Variants in FRMD3 observed in about 807,000 individuals in gnomAD.
FRMD3 encodes FERM domain-containing protein 3.
Under a neutral mutation model 70.2 loss-of-function variants are expected in FRMD3, and 33 were observed. That is an observed-to-expected ratio of 0.47 (90% confidence interval 0.36 to 0.63). The LOEUF (loss-of-function observed/expected upper bound fraction) is 0.63. FRMD3 is among the 20% of genes least tolerant of loss of function. FRMD3 has a pLI of 0.00. For missense variants in FRMD3, 632 were observed against 711.4 expected (o/e 0.89, Z 1.27); for synonymous variants, 279 against 255.9 (o/e 1.09, Z -0.86).
chr9:83,417,610 T>C (rs1826495257), intron 1 of FRMD3, among the ~76,000 whole-genome samples: 1 of 152,220 alleles, frequency 6.6e-6, no homozygotes, highest in Non-Finnish European at 1.5e-5. Flanking sequence ...AGGAGGTGTC[T>C]AGCAGACATT....
intron 1 of FRMD3, among the ~76,000 whole-genome samples, chr9:83,485,482 G>A (rs1173137297): frequency 6.6e-6 from 1 of 152,298 alleles, no homozygotes; most frequent in East Asian, 1.9e-4. Flanking sequence ...TGATTTGCAA[G>A]TATTTAAGTT....
the FRMD3 span, among the ~76,000 whole-genome samples, chr9:83,579,800 TA>T: frequency 6.6e-6 from 1 of 151,966 alleles, no homozygotes; most frequent in African/African-American, 2.4e-5. Context: ...TGTATCAAAC[TA>T]AAAAGCTTTG....
At chr9:83,579,269 T>C in the FRMD3 span, among the ~76,000 whole-genome samples, 14 of 151,206 alleles carry the variant, frequency 9.3e-5, no homozygotes, top group Non-Finnish European at 1.3e-4. Flanking sequence ...GTAATCTCTA[T>C]GAAAATTCCA....
intron 1 of FRMD3, among the ~76,000 whole-genome samples, chr9:83,421,125 A>G (rs1385986818): frequency 6.6e-6 from 1 of 150,922 alleles, no homozygotes; most frequent in African/African-American, 2.4e-5. Flanking sequence ...TATTTTTAGT[A>G]GAGGCGGGGT....
At chr9:83,480,123 T>C (rs1828532853) in intron 1 of FRMD3, among the ~76,000 whole-genome samples, 1 of 152,192 alleles carries the variant, frequency 6.6e-6, no homozygotes, top group African/African-American at 2.4e-5. Flanking sequence ...TGAAATACAA[T>C]AGGAGACATG....
At chr9:83,514,926 A>G (rs1043658956) in intron 1 of FRMD3, among the ~76,000 whole-genome samples, 6 of 152,220 alleles carry the variant, frequency 3.9e-5, no homozygotes, top group Non-Finnish European at 8.8e-5. Flanking sequence ...CAACATCAAC[A>G]AAAAGGCTGA....
chr9:83,539,357 G>A (rs1829970171), upstream of FRMD3, among the ~76,000 whole-genome samples: 1 of 152,342 alleles, frequency 6.6e-6, no homozygotes, highest in East Asian at 1.9e-4. Context: ...AGAGTGGCCA[G>A]GAGCAGCTGT....
intron 2 of FRMD3, among the ~76,000 whole-genome samples, chr9:83,385,939 G>T (rs1445846089): frequency 6.6e-6 from 1 of 152,064 alleles, no homozygotes; most frequent in Non-Finnish European, 1.5e-5. Flanking sequence ...TACTAATCAT[G>T]AGTGTGTTTC....
chr9:83,439,596 A>G (rs1186610490), intron 1 of FRMD3, among the ~76,000 whole-genome samples: 1 of 152,252 alleles, frequency 6.6e-6, no homozygotes, highest in Non-Finnish European at 1.5e-5. Flanking sequence ...AGGAAAGACG[A>G]AACCCCATTT....
intron 1 of FRMD3, among the ~76,000 whole-genome samples, chr9:83,529,837 T>C (rs1829759002): frequency 6.6e-6 from 1 of 152,146 alleles, no homozygotes; most frequent in African/African-American, 2.4e-5. Context: ...AGGATCTAAA[T>C]GGGCAGCTGT....
At position 83,435,441 on chromosome 9, in the gene FRMD3, T is replaced by A. The variant is rs531609271; in HGVS notation, c.148-45733A>T. On this transcript the variant is annotated intron_variant, in intron 1 of 13. Transcript: ENST00000304195. Reference sequence around the variant, plus strand: ...AGCAAGGAGTGCTCAAGGTTCCAGATCAAGAGCTCCCTGACCACTGGCCTC... The same window carrying A: ...AGCAAGGAGTGCTCAAGGTTCCAGAACAAGAGCTCCCTGACCACTGGCCTC... Among the ~76,000 whole-genome samples the A allele has an allele frequency of 1.7e-3, 265 of 152,070 alleles. 2 individuals are homozygous for A. The highest frequency in any genetic ancestry group is 6.2e-3 in the African/African-American group (256 of 41,474).
chr9:83,583,972 T>C, the FRMD3 span, among the ~76,000 whole-genome samples: 1 of 152,204 alleles, frequency 6.6e-6, no homozygotes, highest in Non-Finnish European at 1.5e-5. Context: ...CCTTGCCTCT[T>C]CAGCCTCCTT....
chr9:83,533,777 C>T (rs11140142), intron 1 of FRMD3, among the ~76,000 whole-genome samples: 13,057 of 152,172 alleles, frequency 0.086, 740 homozygotes, highest in East Asian at 0.24. Flanking sequence ...CAATCTACAT[C>T]GATATTTATT....
chr9:83,413,368 C>T (rs1826333438), intron 1 of FRMD3, among the ~76,000 whole-genome samples: 1 of 152,150 alleles, frequency 6.6e-6, no homozygotes, highest in Admixed American at 6.5e-5. Context: ...GGCATGTTGG[C>T]TCTTCTCACT....
intron 13 of FRMD3, among the ~76,000 whole-genome samples, chr9:83,277,010 A>AT (rs35347388): frequency 0.12 from 18,369 of 152,264 alleles, 1,435 homozygotes; most frequent in East Asian, 0.17. Context: ...ATTATCAAAT[A>AT]TTTTTTAAAA....
chr9:83,568,964 A>ATACATACG, the FRMD3 span, among the ~76,000 whole-genome samples: 13 of 96,158 alleles, frequency 1.4e-4, no homozygotes, highest in Non-Finnish European at 2.6e-4. Flanking sequence ...AGATACATAC[A>ATACATACG]TACATACATA....
At chr9:83,479,344 AAGG>A (rs58938099) in intron 1 of FRMD3, among the ~76,000 whole-genome samples, 39,013 of 107,890 alleles carry the variant, frequency 0.36, 5,981 homozygotes, top group African/African-American at 0.5. Flanking sequence ...GAAGAGGAAG[AAGG>A]AGGAGGAGGA....
intron 1 of FRMD3, among the ~76,000 whole-genome samples, chr9:83,500,075 G>A (rs1439683363): frequency 6.6e-6 from 1 of 152,006 alleles, no homozygotes; most frequent in Non-Finnish European, 1.5e-5. Context: ...GGTTTCCAGG[G>A]GTCAGTGGAG....
intron 1 of FRMD3, among the ~76,000 whole-genome samples, chr9:83,441,509 C>T (rs1827294055): frequency 6.6e-6 from 1 of 152,094 alleles, no homozygotes; most frequent in Non-Finnish European, 1.5e-5. Flanking sequence ...AGAGTCTCTA[C>T]AGATTAAAAG....
Sources: allele counts gnomAD v4.1 joint callset (sites outside exome capture counted in the v4.1 genomes callset), GRCh38; gene constraint gnomAD v4.1.1; transcripts MANE v1.5; gene names NCBI Gene and HGNC (gene_info 2026-07-23, HGNC 2026-07-21).